The following CEP164 variants were observed in gnomAD, a reference collection of about 807,000 sequenced individuals.
The protein encoded by CEP164 is centrosomal protein 164.
In CEP164, 162 loss-of-function variants were observed where a neutral mutation model predicts 182.7. That is an observed-to-expected ratio of 0.89 (90% CI 0.78 to 1.01). The LOEUF is 1.01. Ranked by LOEUF, CEP164 falls within the 50% of genes least tolerant of loss-of-function variation. CEP164 has a pLI of 0.00. For missense variants in CEP164, 1,735 were observed against 1,790.4 expected, an observed-to-expected ratio of 0.97 and a Z score of 0.56; for synonymous variants, 661 against 690.0, an observed-to-expected ratio of 0.96 and a Z score of 0.66.
rs2042177984 is a variant in CEP164, at chr11:117,371,382, G to C, written c.1068G>C (p.Glu356Asp). ...CAGAGGACACAGTAGATGCAGGAGA[G>C]GAGGGTTCCAGGAGGGAAGAGGCAG... ...EAPEDTVDAG[E>D]EGSRREEAAK... The change falls in exon 9 of 33, where the codon GAG becomes GAC. Residue 356 changes from glutamate to aspartate, a missense_variant. Coordinates refer to ENST00000278935, the MANE Select transcript of CEP164 (RefSeq NM_014956.5). 1 of 1,614,124 alleles carries C rather than the reference G, an allele frequency of 6.2e-7. No homozygotes were observed. Among genetic ancestry groups the C allele is most frequent in the Admixed American group, 1.7e-5 (1 of 60,012 alleles).
At chr11:117,378,089 G>A (rs1454596139) in intron 11 of CEP164, among the ~76,000 whole-genome samples, 6 of 151,706 alleles carry the variant, frequency 4.0e-5, no homozygotes, top group Non-Finnish European at 8.8e-5. Flanking sequence ...GGCTGGTCTC[G>A]AACTCTTGAC....
chr11:117,329,534 A>AGTTTGTTT lies in CEP164; in HGVS notation c.-98+1647_-98+1654dup, dbSNP rs964192224. 4.0e-5 allele frequency among the ~76,000 whole-genome samples: 6 copies of AGTTTGTTT among 151,554 alleles called. No individual in the cohort carries two copies. The East Asian group carries it at 1.2e-3, about 30-fold the overall frequency. Reference sequence around the variant, plus strand: ...TTTATTAGCTGTGACACCTTGGGCAAGTTTGTTTGTTTGTTTGTTTGTTTT... The same window carrying AGTTTGTTT: ...TTTATTAGCTGTGACACCTTGGGCAAGTTTGTTTGTTTGTTTGTTTGTTTGTTTGTTTT... On this transcript the variant is annotated intron_variant, in intron 1 of 32. Coordinates refer to ENST00000278935, the MANE Select transcript of CEP164 (RefSeq NM_014956.5).
At chr11:117,402,782 T>C (rs1172378170) in intron 27 of CEP164, among the ~76,000 whole-genome samples, 1 of 152,210 alleles carries the variant, frequency 6.6e-6, no homozygotes, top group Non-Finnish European at 1.5e-5. Context: ...TTCTGTCTCG[T>C]TGATCTGTCT....
chr11:117,375,779 A>G lies in CEP164; in HGVS notation c.1305A>G (p.Gly435=). 6.2e-7 allele frequency: 1 copy of G among 1,613,698 alleles called. No homozygotes were observed. Residue 435 remains glycine (G), a synonymous_variant, in exon 11 of 33, where the codon GGA becomes GGG. Transcript: ENST00000278935. ...DVDVLSPVLG[G]ACRQAQQPLG... ...ATGTGCTTTCCCCAGTCCTGGGTGG[A>G]GCTTGTCGGCAGGTGAGTTTCTGTG...
At chr11:117,382,475 A>G (rs535526648) in intron 13 of CEP164, among the ~76,000 whole-genome samples, 1 of 152,264 alleles carries the variant, frequency 6.6e-6, no homozygotes, top group Non-Finnish European at 1.5e-5. Flanking sequence ...CTTAGAATTC[A>G]TTGGGTTGGA....
rs138093785 is a variant in CEP164, at chr11:117,380,697, G to A, written c.1401G>A (p.Leu467=). 2.3e-5 allele frequency: 37 copies of A among 1,603,566 alleles called. No individual in the cohort carries two copies. In the African/African-American group the frequency reaches 4.1e-4, roughly 18 times the overall value. Residue 467 remains leucine, a synonymous_variant, in exon 12 of 33, where the codon CTG becomes CTA. Coordinates refer to ENST00000278935, the MANE Select transcript of CEP164 (RefSeq NM_014956.5). The part of the protein sequence containing the change: ...DELQSKQSKG[L]EERLSPPLPH... ...TGCAGAGCAAGCAGTCCAAAGGCCT[G>A]GAGGAGAGGTACCATAGGTGGGAGG... is the stretch of plus-strand genomic sequence containing the variant.
intron 1 of CEP164, among the ~76,000 whole-genome samples, chr11:117,332,593 GAA>G (rs1288059808): frequency 1.3e-5 from 2 of 152,076 alleles, no homozygotes; most frequent in East Asian, 3.9e-4. Flanking sequence ...AAGAAAGAAA[GAA>G]AAAATAATAA....
At position 117,371,215 on chromosome 11, in the gene CEP164, C is replaced by T. The variant is rs780849567; in HGVS notation, c.901C>T (p.Arg301Ter). ...TCTGAGCAGTGCTGTTGGCAAAGGG[C>T]GACAGGGAAGTGGAGCAAGACCTGG... ...SSLSSAVGKG[R>*]QGSGARPGLP... The change falls in exon 9 of 33, where the codon CGA (arginine) becomes TGA (stop). Residue 301 changes from arginine to a stop codon, truncating the protein, a stop_gained. Transcript: ENST00000278935. LOFTEE classifies it high-confidence loss of function. The T allele has an allele frequency of 1.7e-5, 28 of 1,614,018 alleles. No homozygotes were observed. The highest frequency in any genetic ancestry group is 2.3e-5 in the Non-Finnish European group (27 of 1,180,034).
At chr11:117,325,510 C>A (rs1330326791), upstream of CEP164, among the ~76,000 whole-genome samples, 1 of 152,164 alleles carries the variant, frequency 6.6e-6, no homozygotes, top group East Asian at 1.9e-4. Flanking sequence ...CTCGGCCTCC[C>A]GAGTAGCTGG....
Position 117,396,186 on chromosome 11 carries a change from C to T in CEP164, c.3216+6C>T, listed in dbSNP as rs1193183034. Reference sequence around the variant, plus strand: ...TGAGGAAATCCCTTGGAACAGTGAGCTGGGGGCTGGGGCCTGGGGGCTGGG... The same window carrying T: ...TGAGGAAATCCCTTGGAACAGTGAGTTGGGGGCTGGGGCCTGGGGGCTGGG... On this transcript the variant is annotated splice_donor_region_variant and intron_variant, in intron 25 of 32. Coordinates refer to ENST00000278935, the MANE Select transcript of CEP164 (RefSeq NM_014956.5). 3 of 527,126 alleles carry T rather than the reference C, an allele frequency of 5.7e-6. No individual in the cohort carries two copies. The highest frequency in any genetic ancestry group is 5.7e-5 in the East Asian group (1 of 17,396). 32.7% of individuals were successfully genotyped at this position (527,126 alleles called of 1,614,324 possible).
In CEP164 at chr11:117,343,438, T is replaced by C. The variant is rs543717943; in HGVS notation, c.83-728T>C. ...TAATGTCCTCAAGGAGCTTAGTCAC[T>C]TGTAGTTTTTCAGTACATGCTTGTT... On this transcript the variant is annotated intron_variant, in intron 3 of 32. Transcript: ENST00000278935. Among the ~76,000 whole-genome samples, 17 of 152,278 alleles carry C rather than the reference T, an allele frequency of 1.1e-4. No homozygotes were observed. The South Asian group carries it at 3.5e-3, about 32-fold the overall frequency.
chr11:117,364,786 C>T (rs76851098), intron 8 of CEP164, among the ~76,000 whole-genome samples: 1 of 152,264 alleles, frequency 6.6e-6, no homozygotes, highest in East Asian at 1.9e-4. Flanking sequence ...GCGTGAGCCA[C>T]TGTGCCCAGC....
At chr11:117,337,796 C>T (rs763827229) in intron 2 of CEP164, among the ~76,000 whole-genome samples, 7 of 152,166 alleles carry the variant, frequency 4.6e-5, no homozygotes, top group Non-Finnish European at 1.0e-4. Flanking sequence ...CCCTGTGATA[C>T]TTTGTTTCAC....
chr11:117,342,192 A>G (rs495473), intron 3 of CEP164, among the ~76,000 whole-genome samples: 31,174 of 152,078 alleles, frequency 0.2, 3,232 homozygotes, highest in Admixed American at 0.25. Flanking sequence ...GCTCATAGTG[A>G]CTGGTACATA....
intron 1 of CEP164, among the ~76,000 whole-genome samples, chr11:117,333,306 T>C (rs1488972914): frequency 1.3e-5 from 2 of 151,298 alleles, no homozygotes; most frequent in Non-Finnish European, 3.0e-5. Context: ...GCCACAGTGC[T>C]TGGCCCAAGG....
In CEP164 at chr11:117,393,142, C is replaced by G; in HGVS notation, c.2616+16C>G. ...TGAAGCTGAGGTAGCTCAGCCACAT[C>G]CCCTGCGCGCATGCACACACATGCA... On this transcript the variant is annotated intron_variant, in intron 20 of 32. Coordinates refer to ENST00000278935, the MANE Select transcript of CEP164 (RefSeq NM_014956.5). 1.2e-6 allele frequency: 2 copies of G among 1,610,272 alleles called. No individual in the cohort carries two copies. The highest frequency in any genetic ancestry group is 1.7e-6 in the Non-Finnish European group (2 of 1,178,324).
At chr11:117,360,719 A>G (rs2040831839) in intron 5 of CEP164, among the ~76,000 whole-genome samples, 1 of 152,038 alleles carries the variant, frequency 6.6e-6, no homozygotes, top group South Asian at 2.1e-4. Flanking sequence ...AAAAAAGTCA[A>G]ATAGTACTAA....
intron 6 of CEP164, 38 bp downstream of exon 6, chr11:117,362,031 T>C: frequency 6.6e-7 from 1 of 1,519,094 alleles, no homozygotes; most frequent in Non-Finnish European, 8.8e-7. Context: ...CTGTAGTTCC[T>C]GTGGGGCCTC....
intron 11 of CEP164, among the ~76,000 whole-genome samples, chr11:117,380,290 T>C (rs939608559): frequency 3.3e-5 from 5 of 152,174 alleles, no homozygotes; most frequent in Admixed American, 1.3e-4. Context: ...AGTGCAGGCT[T>C]CCAGCAGCAG....
Sources: gnomAD v4.1 joint callset for allele counts (sites outside exome capture counted in the v4.1 genomes callset) on GRCh38, gnomAD v4.1.1 for gene constraint, MANE v1.5 for transcripts, NCBI Gene and HGNC (gene_info 2026-07-23, HGNC 2026-07-21) for gene names.